SAMD12: variants seen among roughly 807,000 people sequenced by gnomAD.
SAMD12 encodes sterile alpha motif domain-containing protein 12.
Under a neutral mutation model 15.0 loss-of-function variants are expected in SAMD12, and 9 were observed. That is an observed-to-expected ratio of 0.60 (90% CI 0.36 to 1.05). The LOEUF (loss-of-function observed/expected upper bound fraction) is 1.05. Ranked by LOEUF, SAMD12 falls within the 50% of genes least tolerant of loss-of-function variation. SAMD12 has a pLI of 0.01. For missense variants in SAMD12, 230 were observed against 234.2 expected (o/e 0.98, Z 0.12); for synonymous variants, 86 against 90.1 (o/e 0.96, Z 0.25).
chr8:118,600,903 A>C (rs1159255358), intron 1 of SAMD12, among the ~76,000 whole-genome samples: 1 of 152,200 alleles, frequency 6.6e-6, no homozygotes, highest in African/African-American at 2.4e-5. Context: ...AAGAGGATAG[A>C]GAATTTATTC....
intron 2 of SAMD12, among the ~76,000 whole-genome samples, chr8:118,545,071 AACT>A (rs1826085659): frequency 6.6e-6 from 1 of 152,204 alleles, no homozygotes; most frequent in Non-Finnish European, 1.5e-5. Context: ...TCAGTCAAAT[AACT>A]ACAAGTCGGT....
chr8:118,620,532 G>A (rs763483277), intron 1 of SAMD12, among the ~76,000 whole-genome samples: 14 of 152,064 alleles, frequency 9.2e-5, no homozygotes, highest in Non-Finnish European at 1.8e-4. Flanking sequence ...AGGAAAGCTG[G>A]AAGTGGCTGG....
At chr8:118,403,190 T>C (rs1820953508) in intron 3 of SAMD12, among the ~76,000 whole-genome samples, 1 of 152,152 alleles carries the variant, frequency 6.6e-6, no homozygotes, top group South Asian at 2.1e-4. Flanking sequence ...AATTCAAGAG[T>C]ATTTCCTAAT....
chr8:118,336,716 T>A (rs1241444805), intron 4 of SAMD12, among the ~76,000 whole-genome samples: 1 of 152,236 alleles, frequency 6.6e-6, no homozygotes, highest in East Asian at 1.9e-4. Flanking sequence ...ATTGCCATTC[T>A]AATTACTGTG....
chr8:118,141,134 C>A, the SAMD12 span, among the ~76,000 whole-genome samples: 2 of 152,192 alleles, frequency 1.3e-5, no homozygotes, highest in Admixed American at 1.3e-4. Context: ...AAAAGATAAG[C>A]AGCTACAGAA....
At chr8:118,479,467 T>G (rs951526846) in intron 2 of SAMD12, among the ~76,000 whole-genome samples, 4 of 152,092 alleles carry the variant, frequency 2.6e-5, no homozygotes, top group Non-Finnish European at 4.4e-5. Flanking sequence ...CTTATAAAAC[T>G]ATCAGGTCTT....
chr8:118,349,327 A>T (rs1276308571), intron 4 of SAMD12, among the ~76,000 whole-genome samples: 1 of 152,236 alleles, frequency 6.6e-6, no homozygotes, highest in Non-Finnish European at 1.5e-5. Flanking sequence ...AAAATGAAGG[A>T]CAGTGATTTA....
chr8:118,504,279 C>A (rs985327446), intron 2 of SAMD12, among the ~76,000 whole-genome samples: 3 of 152,148 alleles, frequency 2.0e-5, no homozygotes, highest in Non-Finnish European at 4.4e-5. Context: ...CATAAAGAAG[C>A]CCGGAGAAAA....
intron 1 of SAMD12, among the ~76,000 whole-genome samples, chr8:118,606,679 A>T (rs977211137): frequency 2.0e-4 from 31 of 152,188 alleles, no homozygotes; most frequent in African/African-American, 6.8e-4. Flanking sequence ...AGCAAGCAAT[A>T]GACTGAGCAT....
At chr8:118,351,241 G>T (rs951584490) in intron 4 of SAMD12, among the ~76,000 whole-genome samples, 5 of 152,160 alleles carry the variant, frequency 3.3e-5, no homozygotes, top group African/African-American at 1.2e-4. Context: ...AAAATGGTCT[G>T]ATCCTCTCAA....
chr8:118,507,753 G>A (rs1824959549), intron 2 of SAMD12, among the ~76,000 whole-genome samples: 1 of 152,142 alleles, frequency 6.6e-6, no homozygotes, highest in African/African-American at 2.4e-5. Context: ...GAAAAACACA[G>A]TATTTGAGGG....
intron 3 of SAMD12, among the ~76,000 whole-genome samples, chr8:118,391,536 T>C (rs1456052679): frequency 6.6e-6 from 1 of 152,124 alleles, no homozygotes; most frequent in Non-Finnish European, 1.5e-5. Flanking sequence ...ACTAAACACA[T>C]AAGGACAATG....
At chr8:118,286,692 C>G (rs1814042934) in intron 4 of SAMD12, among the ~76,000 whole-genome samples, 1 of 152,150 alleles carries the variant, frequency 6.6e-6, no homozygotes, top group African/African-American at 2.4e-5. Flanking sequence ...AGAAAACAAG[C>G]ATGAGAGGTA....
chr8:118,612,958 C>T (rs1828143222), intron 1 of SAMD12, among the ~76,000 whole-genome samples: 1 of 152,148 alleles, frequency 6.6e-6, no homozygotes, highest in Non-Finnish European at 1.5e-5. Context: ...ACTCAAATGG[C>T]AACACAGTGT....
chr8:118,570,819 T>C (rs1000066220), intron 2 of SAMD12, among the ~76,000 whole-genome samples: 1 of 152,126 alleles, frequency 6.6e-6, no homozygotes, highest in Non-Finnish European at 1.5e-5. Flanking sequence ...TGGGAGGTAA[T>C]TGAATCATGC....
intron 4 of SAMD12, among the ~76,000 whole-genome samples, chr8:118,343,794 G>T (rs1431832671): frequency 1.3e-5 from 2 of 152,122 alleles, no homozygotes; most frequent in Non-Finnish European, 2.9e-5. Flanking sequence ...ACTAGGTCAG[G>T]ACTTCCATGG....
At chr8:118,256,221 T>C (rs1812935988) in intron 4 of SAMD12, among the ~76,000 whole-genome samples, 1 of 152,164 alleles carries the variant, frequency 6.6e-6, no homozygotes, top group South Asian at 2.1e-4. Flanking sequence ...AATTTTCCTG[T>C]GTATGGTGGA....
chr8:118,235,896 G>A (rs546289274), intron 4 of SAMD12, among the ~76,000 whole-genome samples: 1 of 152,292 alleles, frequency 6.6e-6, no homozygotes, highest in South Asian at 2.1e-4. Flanking sequence ...ACTGAAAGCA[G>A]TCCTGGGAAA....
the SAMD12 span, among the ~76,000 whole-genome samples, chr8:118,168,995 A>AT: frequency 2.6e-5 from 4 of 152,024 alleles, no homozygotes. Flanking sequence ...TTTAATACTT[A>AT]TTTTTTTCTT....
Sources: gnomAD v4.1 joint callset for allele counts (sites outside exome capture counted in the v4.1 genomes callset) on GRCh38, gnomAD v4.1.1 for gene constraint, MANE v1.5 for transcripts, NCBI Gene and HGNC (gene_info 2026-07-23, HGNC 2026-07-21) for gene names.